Variants in MDH1B observed in about 807,000 individuals in gnomAD.
The protein encoded by MDH1B is malate dehydrogenase 1B.
Under a neutral mutation model 61.4 loss-of-function variants are expected in MDH1B, and 60 were observed. The observed-to-expected ratio is 0.98, with a 90% CI of 0.79 to 1.21. The LOEUF (loss-of-function observed/expected upper bound fraction) is 1.21, where lower values mean the gene tolerates loss of function less well. Among genes scored for constraint, MDH1B ranks in the 50% most tolerant of loss-of-function variants. MDH1B has a pLI of 0.00. For missense variants in MDH1B, 587 were observed against 632.1 expected (o/e 0.93, Z 0.76); for synonymous variants, 236 against 218.7 (o/e 1.08, Z -0.70).
rs543522679 is a variant in MDH1B at position 206,754,865 on chromosome 2, C to T, written c.910+144G>A. 3 of 913,358 alleles carry T rather than the reference C, an allele frequency of 3.3e-6. No individual in the cohort carries two copies. The South Asian group carries it at 6.6e-5, about 20-fold the overall frequency. The allele number at this position is 913,358 out of a possible 1,614,324, so 56.6% of individuals were successfully genotyped here. On this transcript the variant is annotated intron_variant, in intron 5 of 11. Transcript: ENST00000374412. ...AAAAATGTTTGCACAGTAGTCAAAT[C>T]ACACAATAAGTTCTTTATGTCTGTT...
intron 5 of MDH1B, among the ~76,000 whole-genome samples, chr2:206,754,125 G>A (rs1688614723): frequency 1.3e-5 from 2 of 152,180 alleles, no homozygotes; most frequent in African/African-American, 4.8e-5. Context: ...ATTATTTACA[G>A]TTTCATTGTA....
At position 206,755,116 on chromosome 2, in the gene MDH1B, A is replaced by G. The variant is rs1290551636; in HGVS notation, c.803T>C (p.Leu268Pro). 2 of 1,614,242 alleles carry G rather than the reference A, an allele frequency of 1.2e-6. No individual in the cohort carries two copies. Among genetic ancestry groups the G allele is most frequent in the Non-Finnish European group, 1.7e-6 (2 of 1,180,040 alleles). Residue 268 changes from leucine (L) to proline (P), a missense_variant, in exon 5 of 12, where the codon CTC (leucine) becomes CCC (proline). Physicochemically the swap from Leu to Pro is moderately conservative, Grantham distance 98. Coordinates refer to ENST00000374412, the MANE Select transcript of MDH1B (RefSeq NM_001039845.3). ...TGCAATGCGTGGGGCATATCTCATG[A>G]GTAAAACTGTCTTCAGGTTTACAAA... ...RTFVNLKTVL[L>P]MRYAPRIAHN...
At chr2:206,755,554 T>A in intron 4 of MDH1B, 49 bp from the exon 5 acceptor site, 1 of 1,545,160 alleles carries the variant, frequency 6.5e-7, no homozygotes, top group South Asian at 1.3e-5. Flanking sequence ...CCTTTGTCCC[T>A]TTTAAGCCTT....
At chr2:206,742,504 C>T (rs1389595009) in intron 9 of MDH1B, among the ~76,000 whole-genome samples, 1 of 152,110 alleles carries the variant, frequency 6.6e-6, no homozygotes, top group African/African-American at 2.4e-5. Context: ...GGAGATAAAC[C>T]CTGTGCTGCC....
At chr2:206,755,532 G>T (rs772021811) in intron 4 of MDH1B, 27 bp from the exon 5 acceptor site, 1 of 1,591,384 alleles carries the variant, frequency 6.3e-7, no homozygotes. Context: ...GCCGCATTGT[G>T]AATAGTTATA....
intron 7 of MDH1B, among the ~76,000 whole-genome samples, chr2:206,747,165 A>C (rs1388731087): frequency 6.7e-6 from 1 of 148,934 alleles, no homozygotes; most frequent in East Asian, 2.0e-4. Flanking sequence ...GCAAAAAAAC[A>C]AACAACAACA....
At chr2:206,748,933 G>T (rs985339484) in intron 7 of MDH1B, 87 bp downstream of exon 7, 7 of 1,157,508 alleles carry the variant, frequency 6.0e-6, no homozygotes, top group Non-Finnish European at 7.5e-6. Context: ...CATGTTAAGA[G>T]CTAGATGGGT....
rs146137771 is a variant in MDH1B, at chr2:206,755,273, C to G, written c.646G>C (p.Asp216His). ...RQAHVIVVLD[D>H]STNKEVFTLE... is the part of the protein sequence containing the mutation. ...GTGAACACCTCCTTGTTGGTGCTGT[C>G]ATCCAGCACCACAATGACGTGGGCC... The change falls in exon 5 of 12, where the codon GAC (aspartate) becomes CAC (histidine). Residue 216 changes from aspartate (D) to histidine (H), a missense_variant. Coordinates refer to ENST00000374412, the MANE Select transcript of MDH1B (RefSeq NM_001039845.3). The G allele has an allele frequency of 1.7e-5, 28 of 1,614,212 alleles. No homozygotes were observed. The African/African-American group carries it at 3.3e-4, about 19-fold the overall frequency.
At chr2:206,745,727 C>CTTA in intron 8 of MDH1B, 54 bp from the exon 9 acceptor site, 10 of 786,028 alleles carry the variant, frequency 1.3e-5, no homozygotes, top group Non-Finnish European at 1.8e-5. Flanking sequence ...TAACTTAATT[C>CTTA]TTCTTTTTTT....
chr2:206,753,018 C>T (rs1315031312), intron 5 of MDH1B, among the ~76,000 whole-genome samples: 2 of 148,922 alleles, frequency 1.3e-5, no homozygotes, highest in African/African-American at 4.9e-5. Context: ...TTCCTTTTTG[C>T]ACAAACAATT....
At chr2:206,741,751 T>C (rs1687826079) in intron 9 of MDH1B, among the ~76,000 whole-genome samples, 1 of 152,176 alleles carries the variant, frequency 6.6e-6, no homozygotes, top group African/African-American at 2.4e-5. Context: ...ACCTTGACTA[T>C]ACAGATTTTG....
chr2:206,743,944 T>A lies in MDH1B; in HGVS notation c.1408+1678A>T, dbSNP rs150687949. Among the ~76,000 whole-genome samples, 37 of 152,302 alleles carry A rather than the reference T, an allele frequency of 2.4e-4. No homozygotes were observed. In the East Asian group the frequency reaches 6.0e-3, roughly 25 times the overall value. ...TGGTCTTGGCTGTATGCACTCCCCC[T>A]CAATACCAGTCTTTCTGCAAACAGC... is the stretch of plus-strand genomic sequence containing the variant. On this transcript the variant is annotated intron_variant, in intron 9 of 11. Transcript: ENST00000374412.
Position 206,741,046 on chromosome 2 carries a change from T to G in MDH1B, c.1459+8A>C. 1 of 1,613,146 alleles carries G rather than the reference T, an allele frequency of 6.2e-7. No individual in the cohort carries two copies. The highest frequency in any genetic ancestry group is 8.5e-7 in the Non-Finnish European group (1 of 1,179,544). ...ATATAGACATTGTTTATAACCCCAC[T>G]GACTTACCATCTGACATAGCTAGAT... is the stretch of plus-strand genomic sequence containing the variant. On this transcript the variant is annotated splice_region_variant and intron_variant, in intron 10 of 11. Transcript: ENST00000374412.
chr2:206,742,814 T>C (rs10166624), intron 9 of MDH1B, among the ~76,000 whole-genome samples: 65,001 of 150,066 alleles, frequency 0.43, 17,213 homozygotes, highest in East Asian at 0.81. Context: ...TGGGTTCACG[T>C]CATTCTCCTG....
intron 1 of MDH1B, among the ~76,000 whole-genome samples, chr2:206,762,824 C>A (rs934328268): frequency 3.3e-5 from 5 of 152,156 alleles, no homozygotes; most frequent in African/African-American, 7.2e-5. Flanking sequence ...CACCACTGCC[C>A]CCTTCCAGGC....
intron 2 of MDH1B, among the ~76,000 whole-genome samples, chr2:206,758,369 A>T (rs1482889637): frequency 6.6e-6 from 1 of 152,214 alleles, no homozygotes; most frequent in Non-Finnish European, 1.5e-5. Context: ...ACCTCAGAAG[A>T]CAGGGACAAC....
At chr2:206,764,843 G>A (rs1256377008) in intron 1 of MDH1B, among the ~76,000 whole-genome samples, 1 of 152,040 alleles carries the variant, frequency 6.6e-6, no homozygotes, top group Admixed American at 6.6e-5. Context: ...CTTTTATTTG[G>A]AATAGCCTCC....
At chr2:206,760,605 C>T (rs1247644730) in intron 2 of MDH1B, among the ~76,000 whole-genome samples, 2 of 152,114 alleles carry the variant, frequency 1.3e-5, no homozygotes, top group Non-Finnish European at 1.5e-5. Flanking sequence ...GAAATCAATA[C>T]CAAGGAGAAT....
intron 1 of MDH1B, among the ~76,000 whole-genome samples, chr2:206,761,540 T>C (rs1406613664): frequency 1.3e-5 from 2 of 152,112 alleles, no homozygotes; most frequent in Admixed American, 6.5e-5. Context: ...AAATTTAACT[T>C]TAGTCAAGTG....
Sources: gnomAD v4.1 joint callset for allele counts (sites outside exome capture counted in the v4.1 genomes callset) on GRCh38, gnomAD v4.1.1 for gene constraint, MANE v1.5 for transcripts, NCBI Gene and HGNC (gene_info 2026-07-23, HGNC 2026-07-21) for gene names.